Variants in CPA3 observed in about 807,000 individuals in gnomAD.
CPA3 encodes the protein mast cell carboxypeptidase A.
In CPA3, 52 loss-of-function variants were observed where a neutral mutation model predicts 55.8. That is an observed-to-expected ratio of 0.93 (90% CI 0.75 to 1.17). The LOEUF (loss-of-function observed/expected upper bound fraction) is 1.17, where lower values mean the gene tolerates loss of function less well. CPA3 is among the 50% of genes most tolerant of loss of function. The pLI, the probability that CPA3 is intolerant of heterozygous loss-of-function variation, is 0.00. For missense variants in CPA3, 547 were observed against 509.1 expected, an observed-to-expected ratio of 1.07 and a Z score of -0.72; for synonymous variants, 179 against 171.2, an observed-to-expected ratio of 1.05 and a Z score of -0.36.
chr3:148,877,758 C>T (rs536551128), intron 3 of CPA3, among the ~76,000 whole-genome samples: 3 of 152,088 alleles, frequency 2.0e-5, no homozygotes, highest in South Asian at 2.1e-4. Flanking sequence ...GAGGTCAGAG[C>T]GATGCCTGGC....
chr3:148,868,185 A>ACCCAGC (rs2108028139), intron 2 of CPA3, among the ~76,000 whole-genome samples: 1 of 152,022 alleles, frequency 6.6e-6, no homozygotes, highest in African/African-American at 2.4e-5. Flanking sequence ...GAGCCACAAC[A>ACCCAGC]CCCAGCCTCG....
chr3:148,865,469 A>G lies in CPA3; in HGVS notation c.69-4A>G. On this transcript the variant is annotated splice_polypyrimidine_tract_variant and splice_region_variant and intron_variant, in intron 1 of 10. Transcript: ENST00000296046. ...CTTTTTTTTTTTCATTTGCCTCCACAAAGGGAGAAGGTGTTCCGCGTGAAG... is the reference window on the plus strand; with the variant it reads ...CTTTTTTTTTTTCATTTGCCTCCACGAAGGGAGAAGGTGTTCCGCGTGAAG... 6.2e-7 allele frequency: 1 copy of G among 1,613,766 alleles called. No homozygotes were observed. Among genetic ancestry groups the G allele is most frequent in the South Asian group, 1.1e-5 (1 of 91,032 alleles).
chr3:148,877,654 C>T (rs372686105), intron 3 of CPA3, among the ~76,000 whole-genome samples: 26 of 152,144 alleles, frequency 1.7e-4, no homozygotes, highest in South Asian at 1.0e-3. Flanking sequence ...ACTATAGGCA[C>T]GTTGTTTCAA....
chr3:148,875,927 T>C (rs1000149856), intron 3 of CPA3, among the ~76,000 whole-genome samples: 1 of 152,112 alleles, frequency 6.6e-6, no homozygotes, highest in African/African-American at 2.4e-5. Context: ...GAATGCCGTC[T>C]ATGGCTACTA....
At chr3:148,865,444 C>CA in intron 1 of CPA3, 29 bp from the exon 2 acceptor site, 1 of 1,258,422 alleles carries the variant, frequency 7.9e-7, no homozygotes, top group Non-Finnish European at 1.1e-6. Context: ...TTACAGTTCA[C>CA]TTTTTTTTTT....
chr3:148,865,663 G>A (rs1474576143), intron 2 of CPA3, 115 bp downstream of exon 2: 3 of 946,016 alleles, frequency 3.2e-6, no homozygotes, highest in South Asian at 1.7e-5. Flanking sequence ...TAAGGGGAAA[G>A]CAGGAGCTAT....
At chr3:148,892,714 ATGCC>A (rs1714706986) in intron 10 of CPA3, among the ~76,000 whole-genome samples, 1 of 152,062 alleles carries the variant, frequency 6.6e-6, no homozygotes, top group African/African-American at 2.4e-5. Flanking sequence ...GTGGTGGCAC[ATGCC>A]TGTAATCCCA....
intron 10 of CPA3, among the ~76,000 whole-genome samples, chr3:148,896,263 C>A (rs1714824077): frequency 6.6e-6 from 1 of 152,064 alleles, no homozygotes; most frequent in African/African-American, 2.4e-5. Context: ...ACAATGTGTG[C>A]CTAGGAAATA....
At chr3:148,892,944 G>A (rs1714715558) in intron 10 of CPA3, among the ~76,000 whole-genome samples, 1 of 151,064 alleles carries the variant, frequency 6.6e-6, no homozygotes, top group Admixed American at 6.6e-5. Flanking sequence ...GACAGAGTGA[G>A]ACTCCATCTC....
chr3:148,873,108 T>C (rs1714111746), intron 3 of CPA3, among the ~76,000 whole-genome samples: 1 of 151,236 alleles, frequency 6.6e-6, no homozygotes, highest in Non-Finnish European at 1.5e-5. Context: ...AGATGTTCCA[T>C]TTTCCTCCCA....
At chr3:148,882,933 A>G (rs1321164903) in intron 8 of CPA3, among the ~76,000 whole-genome samples, 2 of 152,158 alleles carry the variant, frequency 1.3e-5, no homozygotes, top group African/African-American at 4.8e-5. Context: ...AGTGGCTAAA[A>G]GCAACATACA....
intron 3 of CPA3, among the ~76,000 whole-genome samples, chr3:148,878,150 A>G (rs1341769513): frequency 1.3e-5 from 2 of 152,224 alleles, no homozygotes; most frequent in Non-Finnish European, 2.9e-5. Flanking sequence ...AATCTGGTGT[A>G]TATTTTACAC....
intron 2 of CPA3, among the ~76,000 whole-genome samples, chr3:148,868,471 T>C (rs948801689): frequency 1.3e-5 from 2 of 152,148 alleles, no homozygotes; most frequent in African/African-American, 2.4e-5. Context: ...ATGCCAACTG[T>C]TTGATACAAT....
chr3:148,871,745 T>C (rs6765684), intron 3 of CPA3, among the ~76,000 whole-genome samples: 88,859 of 152,020 alleles, frequency 0.58, 26,464 homozygotes, highest in Middle Eastern at 0.68. Flanking sequence ...TTCTACAAAG[T>C]GGCCCAAATC....
intron 10 of CPA3, among the ~76,000 whole-genome samples, chr3:148,887,698 C>A (rs976192194): frequency 3.9e-5 from 6 of 152,192 alleles, no homozygotes; most frequent in Admixed American, 2.6e-4. Flanking sequence ...GTAAAAACTA[C>A]CTTTTCTCCA....
chr3:148,883,889 G>T, intron 9 of CPA3, 74 bp downstream of exon 9: 1 of 1,116,226 alleles, frequency 9.0e-7, no homozygotes, highest in Non-Finnish European at 1.3e-6. Context: ...ATTAACTTGG[G>T]TATGTTGAAA....
At chr3:148,869,571 C>T (rs1380184115) in intron 3 of CPA3, among the ~76,000 whole-genome samples, 1 of 151,900 alleles carries the variant, frequency 6.6e-6, no homozygotes, top group Non-Finnish European at 1.5e-5. Context: ...GAAAAAAATT[C>T]TTCCTCAGAG....
chr3:148,870,359 G>A (rs567399693), intron 3 of CPA3, among the ~76,000 whole-genome samples: 57 of 151,880 alleles, frequency 3.8e-4, no homozygotes, highest in Non-Finnish European at 6.8e-4. Flanking sequence ...GCCTGTTGAT[G>A]TCAGTGATGT....
intron 3 of CPA3, among the ~76,000 whole-genome samples, chr3:148,876,381 A>ATT (rs879657368): frequency 2.8e-5 from 4 of 144,282 alleles, no homozygotes; most frequent in Non-Finnish European, 4.6e-5. Flanking sequence ...CTGATAAGAC[A>ATT]TTTTTTTTTT....
Sources: allele counts gnomAD v4.1 joint callset (sites outside exome capture counted in the v4.1 genomes callset), GRCh38; gene constraint gnomAD v4.1.1; transcripts MANE v1.5; gene names NCBI Gene and HGNC (gene_info 2026-07-23, HGNC 2026-07-21).